Variants in UNC5D observed in about 807,000 individuals in gnomAD.
UNC5D encodes the protein unc-5 netrin receptor D.
In UNC5D, 39 loss-of-function variants were observed where a neutral mutation model predicts 105.4. The ratio of observed to expected loss-of-function variants is 0.37; its 90% CI spans 0.29 to 0.48. The LOEUF is 0.48. UNC5D is among the 20% of genes least tolerant of loss of function. UNC5D has a pLI of 0.98. For missense variants in UNC5D, 991 were observed against 1,202.4 expected, an observed-to-expected ratio of 0.82 and a Z score of 2.60; for synonymous variants, 452 against 450.4, an observed-to-expected ratio of 1.00 and a Z score of -0.04.
intron 4 of UNC5D, among the ~76,000 whole-genome samples, chr8:35,656,825 A>G (rs1166256394): frequency 6.6e-6 from 1 of 152,034 alleles, no homozygotes; most frequent in Non-Finnish European, 1.5e-5. Context: ...TAGTTTGTCA[A>G]TCTTTATAAA....
intron 1 of UNC5D, among the ~76,000 whole-genome samples, chr8:35,316,751 T>C (rs1359955184): frequency 6.6e-6 from 1 of 152,196 alleles, no homozygotes; most frequent in East Asian, 1.9e-4. Flanking sequence ...ACTGCATTTC[T>C]CTGTGATGAG....
At chr8:35,295,017 A>C (rs930707879) in intron 1 of UNC5D, among the ~76,000 whole-genome samples, 4 of 152,188 alleles carry the variant, frequency 2.6e-5, no homozygotes, top group African/African-American at 9.6e-5. Context: ...AAAGATGATT[A>C]GTTTCACATG....
At position 35,564,994 on chromosome 8, in the gene UNC5D, G is replaced by C. The variant is rs1297149817; in HGVS notation, c.323-3104G>C. Reference sequence around the variant, plus strand: ...CATTTTCTTTGTCCATTTATTTGTTGACGGGCCCTTAGCTTGATTCCCTAT... The same window carrying C: ...CATTTTCTTTGTCCATTTATTTGTTCACGGGCCCTTAGCTTGATTCCCTAT... On this transcript the variant is annotated intron_variant, in intron 2 of 16. Coordinates refer to ENST00000404895, the MANE Select transcript of UNC5D (RefSeq NM_080872.4). Among the ~76,000 whole-genome samples, 7 of 150,876 alleles carry C rather than the reference G, an allele frequency of 4.6e-5. No individual in the cohort carries two copies. The East Asian group carries it at 1.4e-3, about 29-fold the overall frequency.
intron 1 of UNC5D, among the ~76,000 whole-genome samples, chr8:35,295,905 G>T (rs1807448150): frequency 6.6e-6 from 1 of 152,062 alleles, no homozygotes; most frequent in Admixed American, 6.6e-5. Context: ...GATTCTACAT[G>T]TAAGTAGGAT....
Position 35,705,872 on chromosome 8 carries a change from C to G in UNC5D, c.1085-57C>G, listed in dbSNP as rs1195029857. On this transcript the variant is annotated intron_variant, in intron 7 of 16. Coordinates refer to ENST00000404895, the MANE Select transcript of UNC5D (RefSeq NM_080872.4). ...ATATAAAGTGAAACAGGAAATATAT[C>G]TGCTCCATGTAAATTTATTAAATGC... 4.5e-6 allele frequency: 5 copies of G among 1,113,316 alleles called. No individual in the cohort carries two copies. The East Asian group carries it at 1.3e-4, about 29-fold the overall frequency. 69.0% of individuals were successfully genotyped at this position (1,113,316 alleles called of 1,614,324 possible).
At position 35,235,702 on chromosome 8, in the gene UNC5D, T is replaced by G. The variant is rs1802409461; in HGVS notation, c.-83T>G. 5.7e-6 allele frequency: 6 copies of G among 1,056,446 alleles called. No homozygotes were observed. Among genetic ancestry groups the G allele is most frequent in the Non-Finnish European group, 6.0e-6 (5 of 829,000 alleles). The allele number at this position is 1,056,446 out of a possible 1,614,324, so 65.4% of individuals were successfully genotyped here. A position where few individuals can be genotyped will look rare whatever the true frequency, so the allele number is the denominator to read the frequency against. On this transcript the variant is annotated 5_prime_UTR_variant, in exon 1 of 17. The change creates a new upstream start codon in the 5' untranslated region. Coordinates refer to ENST00000404895, the MANE Select transcript of UNC5D (RefSeq NM_080872.4). Reference sequence around the variant, plus strand: ...CTCTCTGAAGACTCCCGAGACCCATTCGACTCGGGACCCTCATCGCCGACC... The same window carrying G: ...CTCTCTGAAGACTCCCGAGACCCATGCGACTCGGGACCCTCATCGCCGACC...
intron 4 of UNC5D, among the ~76,000 whole-genome samples, chr8:35,657,382 G>T (rs1314711377): frequency 2.0e-5 from 3 of 151,402 alleles, no homozygotes. Context: ...CCAGTATTTT[G>T]CCTGATAGAA....
chr8:35,455,844 C>A (rs948207356), intron 1 of UNC5D, among the ~76,000 whole-genome samples: 1 of 151,998 alleles, frequency 6.6e-6, no homozygotes, highest in African/African-American at 2.4e-5. Flanking sequence ...CTCACTACCA[C>A]AAGAACAATA....
In UNC5D at chr8:35,590,198, AG is replaced by A. The variant is rs200315101; in HGVS notation, c.467-5354del. Among the ~76,000 whole-genome samples, 472 of 152,158 alleles carry A rather than the reference AG, an allele frequency of 3.1e-3. 3 individuals carry two copies. Among genetic ancestry groups the A allele is most frequent in the African/African-American group, 0.011 (439 of 41,526 alleles). On this transcript the variant is annotated intron_variant, in intron 3 of 16. Coordinates refer to ENST00000404895, the MANE Select transcript of UNC5D (RefSeq NM_080872.4). ...TTTCATAAGAGCTCTTTATATATTA[AG>A]GCTGTTAACCCTCTGCCCTTGATGT... is the stretch of plus-strand genomic sequence containing the variant.
rs142826516 is a variant in UNC5D, at chr8:35,748,623, G to T, written c.1863G>T (p.Pro621=). The part of the protein sequence containing the change: ...IVTTPFALTI[P]HCADVSSEHW... ...CCACTCCCTTTGCATTGACCATCCC[G>T]CACTGTGCAGATGTCAGTTCTGAGC... Residue 621 remains proline (P), a synonymous_variant, in exon 12 of 17, where the codon CCG becomes CCT. Coordinates refer to ENST00000404895, the MANE Select transcript of UNC5D (RefSeq NM_080872.4). The T allele has an allele frequency of 1.2e-6, 2 of 1,613,982 alleles. No homozygotes were observed. Among genetic ancestry groups the T allele is most frequent in the Admixed American group, 1.7e-5 (1 of 60,016 alleles).
chr8:35,327,065 A>G (rs1810222006), intron 1 of UNC5D, among the ~76,000 whole-genome samples: 2 of 152,166 alleles, frequency 1.3e-5, no homozygotes, highest in South Asian at 4.1e-4. Context: ...GGTCAGATAT[A>G]TATTTCTATG....
intron 1 of UNC5D, among the ~76,000 whole-genome samples, chr8:35,279,995 T>C (rs535732717): frequency 1.9e-4 from 29 of 152,218 alleles, no homozygotes; most frequent in African/African-American, 6.7e-4. Context: ...TTTACTTTCT[T>C]TCTTTCTTTC....
intron 12 of UNC5D, among the ~76,000 whole-genome samples, chr8:35,750,324 C>T (rs909930448): frequency 2.0e-5 from 3 of 148,926 alleles, no homozygotes; most frequent in African/African-American, 7.4e-5. Context: ...CTCCTGACCT[C>T]AGGTGATCTG....
At chr8:35,321,468 T>G (rs953468126) in intron 1 of UNC5D, among the ~76,000 whole-genome samples, 3 of 152,260 alleles carry the variant, frequency 2.0e-5, no homozygotes, top group South Asian at 2.1e-4. Flanking sequence ...CTGTGTTTAT[T>G]CCTTCTGCTG....
intron 3 of UNC5D, among the ~76,000 whole-genome samples, chr8:35,576,463 C>G (rs2018344): frequency 0.19 from 28,330 of 152,106 alleles, 6,088 homozygotes; most frequent in African/African-American, 0.53. Context: ...ACTAGAAATG[C>G]CCATTGATGA....
intron 1 of UNC5D, among the ~76,000 whole-genome samples, chr8:35,275,807 G>C (rs549024883): frequency 3.8e-4 from 58 of 152,242 alleles, no homozygotes; most frequent in African/African-American, 1.3e-3. Flanking sequence ...AGTTTTGTTT[G>C]TGTGCCTTAA....
At chr8:35,276,613 A>G (rs1055708970) in intron 1 of UNC5D, among the ~76,000 whole-genome samples, 1 of 152,132 alleles carries the variant, frequency 6.6e-6, no homozygotes, top group South Asian at 2.1e-4. Flanking sequence ...TCACTAAGCA[A>G]TTTTCTGAGT....
intron 11 of UNC5D, among the ~76,000 whole-genome samples, chr8:35,738,820 T>G (rs1341032417): frequency 6.6e-6 from 1 of 152,234 alleles, no homozygotes; most frequent in African/African-American, 2.4e-5. Context: ...AGGCTTTTCT[T>G]GCTAGCAATG....
chr8:35,779,999 T>G (rs2131767533), intron 16 of UNC5D, among the ~76,000 whole-genome samples: 1 of 152,234 alleles, frequency 6.6e-6, no homozygotes, highest in Non-Finnish European at 1.5e-5. Flanking sequence ...ACCAAGTTGC[T>G]ATGGGAACAG....
Sources: allele counts gnomAD v4.1 joint callset (sites outside exome capture counted in the v4.1 genomes callset), GRCh38; gene constraint gnomAD v4.1.1; transcripts MANE v1.5; gene names NCBI Gene and HGNC (gene_info 2026-07-23, HGNC 2026-07-21).